ZBED4: variants seen among roughly 807,000 people sequenced by gnomAD.
ZBED4 encodes the protein zinc finger BED domain-containing protein 4.
A neutral mutation model predicts 15.5 loss-of-function variants in ZBED4; 4 were observed. That is an observed-to-expected ratio of 0.26 (90% CI 0.13 to 0.59). The LOEUF (loss-of-function observed/expected upper bound fraction) is 0.59. Among genes scored for constraint, ZBED4 ranks in the 20% least tolerant of loss-of-function variants. The probability of loss-of-function intolerance (pLI) is 0.90; values close to 1 mark genes in which losing one functional copy is unlikely to be tolerated. For missense variants in ZBED4, 1,323 were observed against 1,461.8 expected, an observed-to-expected ratio of 0.91 and a Z score of 1.55; for synonymous variants, 692 against 608.5, an observed-to-expected ratio of 1.14 and a Z score of -2.02.
chr22:49,860,692 A>G (rs1026463143), intron 1 of ZBED4, among the ~76,000 whole-genome samples: 3 of 152,006 alleles, frequency 2.0e-5, no homozygotes, highest in African/African-American at 7.2e-5. Context: ...ATTTTTTACA[A>G]ATTTTATGTA....
At chr22:49,880,463 T>G (rs2060403197) in intron 1 of ZBED4, among the ~76,000 whole-genome samples, 1 of 152,324 alleles carries the variant, frequency 6.6e-6, no homozygotes, top group Non-Finnish European at 1.5e-5. Flanking sequence ...CCCCGCAGCC[T>G]GGAAGCCTGG....
intron 1 of ZBED4, among the ~76,000 whole-genome samples, chr22:49,880,837 A>G (rs1317650074): frequency 6.6e-6 from 1 of 152,210 alleles, no homozygotes. Flanking sequence ...ACTGATGTCA[A>G]CATTGAGTTT....
At chr22:49,873,314 A>G (rs2060357810) in intron 1 of ZBED4, among the ~76,000 whole-genome samples, 1 of 152,140 alleles carries the variant, frequency 6.6e-6, no homozygotes, top group Non-Finnish European at 1.5e-5. Context: ...GCCTAATTCT[A>G]ATTTCTCGTG....
At chr22:49,854,039 C>T (rs1467767930) in intron 1 of ZBED4, 50 bp downstream of exon 1, 18 of 143,106 alleles carry the variant, frequency 1.3e-4, no homozygotes, top group African/African-American at 4.3e-4. Flanking sequence ...GCCCCGTCCC[C>T]CGCGGACCGC....
chr22:49,870,376 T>A lies in ZBED4; in HGVS notation c.-329-12958T>A, dbSNP rs116175764. 4.4e-3 allele frequency among the ~76,000 whole-genome samples: 671 copies of A among 152,324 alleles called. 5 individuals carry two copies. Among genetic ancestry groups the A allele is most frequent in the African/African-American group, 0.015 (619 of 41,566 alleles). ...ATCACTGGGTCCAATGGTAGCTCTG[T>A]TTTTAGTTCTTTGAGAAGACTCCAC... On this transcript the variant is annotated intron_variant, in intron 1 of 1. Coordinates refer to ENST00000216268, the MANE Select transcript of ZBED4 (RefSeq NM_014838.3).
chr22:49,878,301 CAAAAAAA>C (rs71196388), intron 1 of ZBED4, among the ~76,000 whole-genome samples: 2 of 107,216 alleles, frequency 1.9e-5, no homozygotes, highest in Non-Finnish European at 3.5e-5. Flanking sequence ...GACACTGTCT[CAAAAAAA>C]AAAAAAAAAA....
At chr22:49,860,614 G>T (rs1040694335) in intron 1 of ZBED4, among the ~76,000 whole-genome samples, 2 of 150,856 alleles carry the variant, frequency 1.3e-5, no homozygotes, top group African/African-American at 5.0e-5. Context: ...TCCCAAGAAA[G>T]AAATAAGACA....
At chr22:49,880,205 G>C (rs1353131618) in intron 1 of ZBED4, among the ~76,000 whole-genome samples, 3 of 152,110 alleles carry the variant, frequency 2.0e-5, no homozygotes, top group Non-Finnish European at 4.4e-5. Flanking sequence ...CCACTGTTCA[G>C]TCCGGACCCT....
At position 49,888,754 on chromosome 22, in the gene ZBED4, G is replaced by C. The variant is rs2060453316; in HGVS notation, c.*1576G>C. On this transcript the variant is annotated 3_prime_UTR_variant, in exon 2 of 2. Transcript: ENST00000216268. ...CCTCTTACCCGGTAGCTGTGCGCTT[G>C]TTCCCGTGAGAACAGCCTGCTTCCA... is the stretch of plus-strand genomic sequence containing the variant. 1 of 167,304 alleles carries C rather than the reference G, an allele frequency of 6.0e-6. No homozygotes were observed. The highest frequency in any genetic ancestry group is 2.4e-5 in the African/African-American group (1 of 41,482). The allele number at this position is 167,304 out of a possible 1,614,324, so 10.4% of individuals were successfully genotyped here. A position where few individuals can be genotyped will look rare whatever the true frequency, so the allele number is the denominator to read the frequency against.
Position 49,886,708 on chromosome 22 carries a change from C to T in ZBED4, c.3046C>T (p.Leu1016=). The part of the protein sequence containing the change: ...TLLDPRYKAS[L]FTEEEAEQYK... ...GCTGGATCCTCGCTACAAGGCCTCC[C>T]TGTTTACGGAGGAGGAGGCGGAGCA... is the stretch of plus-strand genomic sequence containing the variant. The change falls in exon 2 of 2, where the codon CTG becomes TTG. Residue 1016 remains leucine (L), a synonymous_variant. Coordinates refer to ENST00000216268, the MANE Select transcript of ZBED4 (RefSeq NM_014838.3). This position sits in a 1 kb window ranked among gnomAD's most constrained non-coding sequence, Gnocchi z 7.7. The T allele has an allele frequency of 6.2e-7, 1 of 1,613,360 alleles. No individual in the cohort carries two copies. The highest frequency in any genetic ancestry group is 8.5e-7 in the Non-Finnish European group (1 of 1,179,812).
In ZBED4 at chr22:49,869,134, AAAAG is replaced by A. The variant is rs1448198148; in HGVS notation, c.-329-14196_-329-14193del. 2.0e-5 allele frequency among the ~76,000 whole-genome samples: 3 copies of A among 151,900 alleles called. No homozygotes were observed. The South Asian group carries it at 6.2e-4, about 32-fold the overall frequency. On this transcript the variant is annotated intron_variant, in intron 1 of 1. Transcript: ENST00000216268. ...GCAAAACTGTCTCAAAAAAAAAAAA[AAAAG>A]AAAAATCACGGTTGTGGAAAGGGGG...
At chr22:49,865,060 G>GC (rs1394095711) in intron 1 of ZBED4, among the ~76,000 whole-genome samples, 1 of 151,128 alleles carries the variant, frequency 6.6e-6, no homozygotes, top group African/African-American at 2.4e-5. Context: ...CTCACTAAGG[G>GC]CAGGGGTGTG....
Position 49,886,250 on chromosome 22 carries a change from C to T in ZBED4, c.2588C>T (p.Ser863Leu), listed in dbSNP as rs759372963. 1.2e-5 allele frequency: 14 copies of T among 1,124,330 alleles called. No homozygotes were observed. The highest frequency in any genetic ancestry group is 5.5e-5 in the South Asian group (4 of 72,274). The allele number at this position is 1,124,330 out of a possible 1,614,324, so 69.6% of individuals were successfully genotyped here. ...ARKICERVHR[S>L]PKAKEKLAEL... is the part of the protein sequence containing the mutation. ...AAGATCTGCGAGCGGGTGCACCGGT[C>T]GCCCAAGGCGAAGGAGAAACTGGCC... The change falls in exon 2 of 2, where the codon TCG becomes TTG. Residue 863 changes from serine (S) to leucine (L), a missense_variant. Physicochemically the swap from Ser to Leu is moderately radical, Grantham distance 145. Around this residue, in one of 6 missense-constraint regions of ZBED4, gnomAD observed 100 missense variants for 79.3 expected, o/e 1.26. Transcript: ENST00000216268. The surrounding 1 kb of genome is among the most constrained non-coding windows in gnomAD (Gnocchi z 7.7).
chr22:49,874,672 CT>C (rs10636316), intron 1 of ZBED4, among the ~76,000 whole-genome samples: 2 of 37,314 alleles, frequency 5.4e-5, no homozygotes, highest in Non-Finnish European at 8.8e-5. Context: ...CATGCCCAGC[CT>C]TTTTTTTTTT....
At chr22:49,857,775 G>T (rs917954900) in intron 1 of ZBED4, among the ~76,000 whole-genome samples, 1 of 151,860 alleles carries the variant, frequency 6.6e-6, no homozygotes, top group African/African-American at 2.4e-5. Context: ...TTTGTTTTTT[G>T]AGATGGAATC....
upstream of ZBED4, chr22:49,853,789 T>TCGGCCCCGCCCCCGGC (rs1389716055): frequency 2.8e-5 from 4 of 143,868 alleles, no homozygotes; most frequent in East Asian, 2.2e-4. Context: ...CCGCCCCCGA[T>TCGGCCCCGCCCCCGGC]CGGCCCCGCC....
chr22:49,885,295 G>A lies in ZBED4; in HGVS notation c.1633G>A (p.Val545Ile). ...SSKLTDLPTV[V>I]TKNNQVMFPV... ...CAAATTGACTGACTTGCCAACAGTGGTCACAAAAAACAATCAAGTTATGTT... is the reference window on the plus strand; with the variant it reads ...CAAATTGACTGACTTGCCAACAGTGATCACAAAAAACAATCAAGTTATGTT... Residue 545 changes from valine to isoleucine, a missense_variant, in exon 2 of 2, where the codon GTC becomes ATC. By Grantham distance (29) the Val-to-Ile change is conservative (BLOSUM62 3). Around this residue, in one of 6 missense-constraint regions of ZBED4, gnomAD observed 429 missense variants for 397.9 expected, o/e 1.08. Coordinates refer to ENST00000216268, the MANE Select transcript of ZBED4 (RefSeq NM_014838.3). 1.3e-6 allele frequency: 2 copies of A among 1,592,298 alleles called. No homozygotes were observed. Among genetic ancestry groups the A allele is most frequent in the South Asian group, 1.1e-5 (1 of 89,148 alleles).
chr22:49,860,098 G>C (rs1434736820), intron 1 of ZBED4, among the ~76,000 whole-genome samples: 1 of 150,434 alleles, frequency 6.6e-6, no homozygotes, highest in African/African-American at 2.5e-5. Flanking sequence ...AGGAGTTCCA[G>C]ACCAGTCTAG....
intron 1 of ZBED4, among the ~76,000 whole-genome samples, chr22:49,880,323 C>T (rs966205479): frequency 5.3e-5 from 8 of 152,220 alleles, no homozygotes; most frequent in Admixed American, 2.0e-4. Flanking sequence ...GGGTGGTTTC[C>T]TCAAATGCAG....
Sources: gnomAD v4.1 joint callset for allele counts (sites outside exome capture counted in the v4.1 genomes callset) on GRCh38, gnomAD v4.1.1 for gene constraint, gnomAD v4.1.1 regional missense constraint, Gnocchi (gnomAD v3.1) non-coding constraint, MANE v1.5 for transcripts, NCBI Gene and HGNC (gene_info 2026-07-23, HGNC 2026-07-21) for gene names.